LNPEP: variants seen among roughly 807,000 people sequenced by gnomAD.
LNPEP encodes leucyl and cystinyl aminopeptidase.
LNPEP carries 64 observed loss-of-function variants against 120.6 expected under a neutral mutation model. The ratio of observed to expected loss-of-function variants is 0.53; its 90% CI spans 0.43 to 0.65. LNPEP has a LOEUF of 0.65. Ranked by LOEUF, LNPEP falls within the 30% of genes least tolerant of loss-of-function variation. The probability of loss-of-function intolerance (pLI) is 0.00; values close to 1 mark genes in which losing one functional copy is unlikely to be tolerated. For missense variants in LNPEP, 1,057 were observed against 1,200.0 expected (o/e 0.88, Z 1.76); for synonymous variants, 435 against 425.4 (o/e 1.02, Z -0.28).
rs1045810823 is a variant in LNPEP, at chr5:97,029,634, A to G, written c.*1101A>G. 2.6e-5 allele frequency: 4 copies of G among 151,568 alleles called. No individual in the cohort carries two copies. The highest frequency in any genetic ancestry group is 6.6e-5 in the Admixed American group (1 of 15,236). 9.4% of individuals were successfully genotyped at this position (151,568 alleles called of 1,614,324 possible). On this transcript the variant is annotated 3_prime_UTR_variant, in exon 18 of 18. Coordinates refer to ENST00000231368, the MANE Select transcript of LNPEP (RefSeq NM_005575.3). The stretch of plus-strand genomic sequence containing the variant: ...ACCATAGTACCTTAAAGGAACAAAG[A>G]GAATGTGGGATAGGAGTAACTTGAA...
At chr5:96,993,308 A>G (rs1448121577) in intron 5 of LNPEP, among the ~76,000 whole-genome samples, 173 bp downstream of exon 5, 1 of 32,224 alleles carries the variant, frequency 3.1e-5, no homozygotes, top group Non-Finnish European at 6.1e-5. Context: ...TCATGAATAT[A>G]TCTGAAGTTG....
At chr5:97,016,730 AT>A (rs907149621) in intron 13 of LNPEP, among the ~76,000 whole-genome samples, 15 of 152,132 alleles carry the variant, frequency 9.9e-5, no homozygotes, top group African/African-American at 2.2e-4. Flanking sequence ...AACTTAAGAG[AT>A]TTTTTTTATA....
intron 1 of LNPEP, among the ~76,000 whole-genome samples, chr5:96,953,791 T>C (rs748452024): frequency 6.6e-6 from 1 of 152,254 alleles, no homozygotes; most frequent in African/African-American, 2.4e-5. Context: ...TCTTAGTTTA[T>C]GTATACTAAT....
chr5:96,939,597 A>ATAATC (rs35929998), intron 1 of LNPEP, among the ~76,000 whole-genome samples: 3 of 151,280 alleles, frequency 2.0e-5, no homozygotes, highest in Non-Finnish European at 4.4e-5. Context: ...AACTGAAAAC[A>ATAATC]TAAATAGTTT....
chr5:97,006,059 T>C lies in LNPEP; in HGVS notation c.1786-14T>C. ...AAGGAAAAAGTTTTATATATATATA[T>C]ATATATTTTGTAGGTCACAAACCAA... On this transcript the variant is annotated splice_polypyrimidine_tract_variant and intron_variant, in intron 9 of 17. Coordinates refer to ENST00000231368, the MANE Select transcript of LNPEP (RefSeq NM_005575.3). The C allele has an allele frequency of 9.5e-7, 1 of 1,052,838 alleles. No individual in the cohort carries two copies. The highest frequency in any genetic ancestry group is 3.4e-5 in the Admixed American group (1 of 29,316). 65.2% of individuals were successfully genotyped at this position (1,052,838 alleles called of 1,614,324 possible).
At position 97,006,442 on chromosome 5, in the gene LNPEP, T is replaced by G. The variant is rs767132145; in HGVS notation, c.1962T>G (p.Ile654Met). 2 of 1,570,642 alleles carry G rather than the reference T, an allele frequency of 1.3e-6. No homozygotes were observed. Among genetic ancestry groups the G allele is most frequent in the South Asian group, 2.2e-5 (2 of 88,946 alleles). Residue 654 changes from isoleucine (I) to methionine (M), a missense_variant, in exon 11 of 18, where the codon ATT (isoleucine) becomes ATG (methionine). Coordinates refer to ENST00000231368, the MANE Select transcript of LNPEP (RefSeq NM_005575.3). ...CTCTTTACAGCTACCTGTGGCATATTCCACTATCCTATGTCACTGAAGGAA... is the reference window on the plus strand; with the variant it reads ...CTCTTTACAGCTACCTGTGGCATATGCCACTATCCTATGTCACTGAAGGAA... Reference protein sequence around the residue: ...QPSDTSYLWHIPLSYVTEGRN... With the variant: ...QPSDTSYLWHMPLSYVTEGRN...
chr5:96,986,591 G>C lies in LNPEP; in HGVS notation c.1052G>C (p.Ser351Thr). 6.2e-7 allele frequency: 1 copy of C among 1,613,632 alleles called. No individual in the cohort carries two copies. Among genetic ancestry groups the C allele is most frequent in the Non-Finnish European group, 8.5e-7 (1 of 1,179,634 alleles). The change falls in exon 4 of 18, where the codon AGT becomes ACT. Residue 351 changes from serine to threonine, a missense_variant. Physicochemically the swap from Ser to Thr is moderately conservative, Grantham distance 58. Transcript: ENST00000231368. ...CTTGTTCAGGATGAGTTTTCTGAGA[G>C]TGTGAAGATGAGCACTTACTTGGTT... is the stretch of plus-strand genomic sequence containing the variant. ...DGLVQDEFSESVKMSTYLVAF... is the reference protein window; with the variant it reads ...DGLVQDEFSETVKMSTYLVAF...
At chr5:96,990,832 T>C (rs958871688) in intron 4 of LNPEP, among the ~76,000 whole-genome samples, 2 of 152,230 alleles carry the variant, frequency 1.3e-5, no homozygotes, top group Non-Finnish European at 2.9e-5. Context: ...GATTAATGCA[T>C]ATGTTCTATA....
intron 1 of LNPEP, among the ~76,000 whole-genome samples, chr5:96,960,365 C>T (rs1308120114): frequency 6.6e-6 from 1 of 152,200 alleles, no homozygotes; most frequent in East Asian, 1.9e-4. Flanking sequence ...AACAAGTCCA[C>T]TGAAACGTAG....
intron 15 of LNPEP, among the ~76,000 whole-genome samples, chr5:97,025,407 C>T (rs539564884): frequency 3.4e-4 from 52 of 152,210 alleles, no homozygotes; most frequent in Non-Finnish European, 5.7e-4. Context: ...CCAAAAGATA[C>T]GCTGTAAATA....
chr5:96,950,440 A>C (rs537565351), intron 1 of LNPEP, among the ~76,000 whole-genome samples: 2 of 152,352 alleles, frequency 1.3e-5, no homozygotes, highest in African/African-American at 4.8e-5. Flanking sequence ...GGAATTTCCT[A>C]ATATACCATA....
At chr5:96,947,210 G>A (rs1789205855) in intron 1 of LNPEP, among the ~76,000 whole-genome samples, 2 of 152,054 alleles carry the variant, frequency 1.3e-5, no homozygotes, top group Admixed American at 1.3e-4. Context: ...GGGGCCCTAA[G>A]CATTGTTAAA....
At chr5:96,989,396 T>TA in intron 4 of LNPEP, among the ~76,000 whole-genome samples, 10 of 27,694 alleles carry the variant, frequency 3.6e-4, no homozygotes, top group Non-Finnish European at 6.5e-4. Flanking sequence ...ATACAATATA[T>TA]TATATATTAT....
At chr5:96,983,553 C>G (rs150101452) in intron 2 of LNPEP, among the ~76,000 whole-genome samples, 1 of 152,112 alleles carries the variant, frequency 6.6e-6, no homozygotes, top group Admixed American at 6.6e-5. Context: ...GCAAGCGATT[C>G]TCCTGCCTCT....
At position 97,027,737 on chromosome 5, in the gene LNPEP, C is replaced by A. The variant is rs1265543200; in HGVS notation, c.2869C>A (p.Pro957Thr). 1.3e-6 allele frequency: 2 copies of A among 1,592,428 alleles called. No individual in the cohort carries two copies. Among genetic ancestry groups the A allele is most frequent in the South Asian group, 2.2e-5 (2 of 90,350 alleles). Residue 957 changes from proline to threonine, a missense_variant, in exon 17 of 18, where the codon CCT becomes ACT. Pro to Thr is a conservative substitution (Grantham distance 38). Transcript: ENST00000231368. ...ENWNKLVQKF[P>T]LGSYTIQNIV... Reference sequence around the variant, plus strand: ...CTTGTTTTTGTGTTTCTTCAGGTTCCCTCTGGGGTCCTATACCATACAAAA... The same window carrying A: ...CTTGTTTTTGTGTTTCTTCAGGTTCACTCTGGGGTCCTATACCATACAAAA...
intron 9 of LNPEP, among the ~76,000 whole-genome samples, chr5:97,005,821 A>G (rs1313101743): frequency 1.3e-5 from 2 of 152,182 alleles, no homozygotes; most frequent in African/African-American, 4.8e-5. Context: ...TTCTCAACCT[A>G]GTGCCTCCCT....
At chr5:97,028,360 G>A in intron 17 of LNPEP, 42 bp from the exon 18 acceptor site, 4 of 1,603,298 alleles carry the variant, frequency 2.5e-6, no homozygotes, top group East Asian at 2.2e-5. Flanking sequence ...GAGGTTTATC[G>A]TCCTTTTCTT....
At chr5:96,974,164 G>A (rs1789936735) in intron 1 of LNPEP, among the ~76,000 whole-genome samples, 1 of 152,080 alleles carries the variant, frequency 6.6e-6, no homozygotes, top group African/African-American at 2.4e-5. Context: ...GACCTTCTCA[G>A]TCATGCTTGT....
At chr5:96,943,693 T>C (rs1420917902) in intron 1 of LNPEP, among the ~76,000 whole-genome samples, 4 of 152,194 alleles carry the variant, frequency 2.6e-5, no homozygotes, top group Non-Finnish European at 4.4e-5. Context: ...CCTTAACATG[T>C]AAATGAGGAG....
Sources: allele counts gnomAD v4.1 joint callset (sites outside exome capture counted in the v4.1 genomes callset), GRCh38; gene constraint gnomAD v4.1.1; transcripts MANE v1.5; gene names NCBI Gene and HGNC (gene_info 2026-07-23, HGNC 2026-07-21).